CGNL1: variants seen among roughly 807,000 people sequenced by gnomAD.
CGNL1 encodes cingulin-like protein 1.
CGNL1 carries 132 observed loss-of-function variants against 141.2 expected under a neutral mutation model. The ratio of observed to expected loss-of-function variants is 0.93; its 90% CI spans 0.81 to 1.08. The LOEUF (loss-of-function observed/expected upper bound fraction) is 1.08. Among genes scored for constraint, CGNL1 ranks in the 50% least tolerant of loss-of-function variants. The probability of loss-of-function intolerance (pLI) is 0.00; values close to 1 mark genes in which losing one functional copy is unlikely to be tolerated. For missense variants in CGNL1, 1,870 were observed against 1,588.6 expected (o/e 1.18, Z -3.01); for synonymous variants, 690 against 622.1 (o/e 1.11, Z -1.63).
At chr15:57,462,952 T>C (rs1227458119) in intron 8 of CGNL1, among the ~76,000 whole-genome samples, 1 of 152,214 alleles carries the variant, frequency 6.6e-6, no homozygotes, top group African/African-American at 2.4e-5. Context: ...GGGACATGCC[T>C]GTTATTTGCA....
At chr15:57,457,939 A>T (rs1320550401) in intron 7 of CGNL1, among the ~76,000 whole-genome samples, 1 of 152,188 alleles carries the variant, frequency 6.6e-6, no homozygotes, top group East Asian at 1.9e-4. Context: ...TTTTGTGGTC[A>T]GGTCTGTACT....
chr15:57,453,927 C>T, intron 7 of CGNL1, 109 bp downstream of exon 7: 2 of 1,243,352 alleles, frequency 1.6e-6, no homozygotes, highest in Non-Finnish European at 2.3e-6. Flanking sequence ...CACACCTGCT[C>T]CACCTGTGCT....
Position 57,524,588 on chromosome 15 carries a change from A to G in CGNL1, c.2876A>G (p.Asp959Gly). The change falls in exon 12 of 19, where the codon GAC becomes GGC. Residue 959 changes from aspartate to glycine, a missense_variant. Transcript: ENST00000281282. ...TIEKLQKEMA[D>G]IVEASRTSTL... The stretch of plus-strand genomic sequence containing the variant: ...CCGTGTCACTTCTTCTAGATGGCAG[A>G]CATTGTTGAGGCCTCCCGTACCTCA... 6.2e-7 allele frequency: 1 copy of G among 1,612,646 alleles called. No homozygotes were observed. Among genetic ancestry groups the G allele is most frequent in the Non-Finnish European group, 8.5e-7 (1 of 1,179,558 alleles).
chr15:57,524,788 T>C (rs1477520824), intron 12 of CGNL1, 37 bp downstream of exon 12: 1 of 1,598,032 alleles, frequency 6.3e-7, no homozygotes, highest in Admixed American at 1.7e-5. Context: ...CTTTATCCCT[T>C]ATTCAAAGTA....
intron 14 of CGNL1, among the ~76,000 whole-genome samples, chr15:57,537,362 C>T (rs1220387990): frequency 1.3e-5 from 2 of 152,050 alleles, no homozygotes; most frequent in South Asian, 2.1e-4. Flanking sequence ...CCTCAGTCAG[C>T]ATCAGGGGTG....
chr15:57,381,120 T>A (rs2062419671), intron 1 of CGNL1, among the ~76,000 whole-genome samples: 1 of 152,232 alleles, frequency 6.6e-6, no homozygotes, highest in African/African-American at 2.4e-5. Flanking sequence ...ATTTGTTTAT[T>A]GACTGCCTTT....
intron 1 of CGNL1, among the ~76,000 whole-genome samples, chr15:57,384,909 AGT>A: frequency 6.6e-6 from 1 of 152,224 alleles, no homozygotes; most frequent in Non-Finnish European, 1.5e-5. Flanking sequence ...GTAAAGTGAG[AGT>A]GTGTGGGGAG....
chr15:57,439,142 T>G lies in CGNL1; in HGVS notation c.1143T>G (p.Asp381Glu), dbSNP rs1253171509. The G allele has an allele frequency of 6.2e-7, 1 of 1,614,152 alleles. No homozygotes were observed. The change falls in exon 2 of 19, where the codon GAT becomes GAG. Residue 381 changes from aspartate to glutamate, a missense_variant. Coordinates refer to ENST00000281282, the MANE Select transcript of CGNL1 (RefSeq NM_032866.5). Reference protein sequence around the residue: ...RSGKRNRINTDDRKRSRSVDS... With the variant: ...RSGKRNRINTEDRKRSRSVDS... ...GGAAGCGAAACAGAATTAATACAGA[T>G]GACAGGAAAAGATCCAGAAGCGTGG...
chr15:57,523,193 C>A (rs1268782356), intron 10 of CGNL1, among the ~76,000 whole-genome samples: 1 of 152,312 alleles, frequency 6.6e-6, no homozygotes. Flanking sequence ...TTTTCAGACA[C>A]CATCCTGAAT....
intron 8 of CGNL1, among the ~76,000 whole-genome samples, chr15:57,493,534 T>C (rs1449696542): frequency 2.0e-5 from 3 of 152,176 alleles, no homozygotes; most frequent in African/African-American, 7.2e-5. Flanking sequence ...AAACAAGGGA[T>C]TAAAAATCAA....
chr15:57,393,419 T>G (rs920615320), intron 1 of CGNL1, among the ~76,000 whole-genome samples: 1 of 152,222 alleles, frequency 6.6e-6, no homozygotes, highest in Non-Finnish European at 1.5e-5. Context: ...AGTTTGTGTT[T>G]GAACACCATC....
chr15:57,518,598 T>A, intron 10 of CGNL1, 101 bp downstream of exon 10: 1 of 771,660 alleles, frequency 1.3e-6, no homozygotes, highest in Admixed American at 2.2e-5. Context: ...TCTCTTTCCA[T>A]GTAGCTCCCT....
intron 10 of CGNL1, among the ~76,000 whole-genome samples, 161 bp downstream of exon 10, chr15:57,518,658 G>A (rs1045143575): frequency 7.9e-5 from 12 of 152,180 alleles, no homozygotes; most frequent in African/African-American, 2.9e-4. Context: ...CTAGACCAGC[G>A]ATTCTCAACT....
At chr15:57,417,320 A>G (rs1363116712) in intron 1 of CGNL1, among the ~76,000 whole-genome samples, 7 of 151,950 alleles carry the variant, frequency 4.6e-5, no homozygotes, top group Non-Finnish European at 8.8e-5. Flanking sequence ...TGCAGCCTCC[A>G]TCTCCTGGGT....
chr15:57,451,436 G>A, intron 4 of CGNL1, 64 bp from the exon 5 acceptor site: 1 of 1,131,130 alleles, frequency 8.8e-7, no homozygotes, highest in Non-Finnish European at 1.3e-6. Flanking sequence ...ATTTGGAGGG[G>A]GAAGATAATT....
intron 2 of CGNL1, 121 bp from the exon 3 acceptor site, chr15:57,440,256 T>C (rs2063169347): frequency 2.8e-6 from 2 of 710,514 alleles, no homozygotes; most frequent in Non-Finnish European, 4.8e-6. Context: ...TCCCCAAGAT[T>C]ATGAAGCTGG....
chr15:57,383,595 C>CCTTTTCTTTTCTTTTCTTTT lies in CGNL1; in HGVS notation c.-16+7049_-16+7068dup, dbSNP rs71441464. 2.3e-4 allele frequency among the ~76,000 whole-genome samples: 25 copies of CCTTTTCTTTTCTTTTCTTTT among 107,692 alleles called. No individual in the cohort carries two copies. The South Asian group carries it at 2.6e-3, about 11-fold the overall frequency. The allele number at this position is 107,692 out of a possible 152,430, so 70.7% of individuals were successfully genotyped here. A position where few individuals can be genotyped will look rare whatever the true frequency, so the allele number is the denominator to read the frequency against. ...TTACAGGCGTGAGCCACCACATCTGCCTTTTCTTTTCTTTTCTTTTCTTTT... is the reference window on the plus strand; with the variant it reads ...TTACAGGCGTGAGCCACCACATCTGCCTTTTCTTTTCTTTTCTTTTCTTTTCTTTTCTTTTCTTTTCTTTT... On this transcript the variant is annotated intron_variant, in intron 1 of 18. Transcript: ENST00000281282.
intron 7 of CGNL1, among the ~76,000 whole-genome samples, chr15:57,457,100 C>A (rs1033741589): frequency 6.6e-6 from 1 of 152,162 alleles, no homozygotes; most frequent in Admixed American, 6.5e-5. Context: ...TTGTCAGCTA[C>A]CGTTGCTATA....
At position 57,543,760 on chromosome 15, in the gene CGNL1, A is replaced by C. The variant is rs151031750; in HGVS notation, c.3356A>C (p.Lys1119Thr). ...GCGAGACAAGACTTGGAGTGCGACA[A>C]GATTTCCCTGGAGAGGCAGGTGAGG... ...RAARQDLECD[K>T]ISLERQNKDL... The change falls in exon 15 of 19, where the codon AAG (lysine) becomes ACG (threonine). Residue 1119 changes from lysine (K) to threonine (T), a missense_variant. Transcript: ENST00000281282. 3.7e-6 allele frequency: 6 copies of C among 1,614,082 alleles called. No individual in the cohort carries two copies. The highest frequency in any genetic ancestry group is 1.3e-5 in the African/African-American group (1 of 75,040).
Sources: gnomAD v4.1 joint callset for allele counts (sites outside exome capture counted in the v4.1 genomes callset) on GRCh38, gnomAD v4.1.1 for gene constraint, MANE v1.5 for transcripts, NCBI Gene and HGNC (gene_info 2026-07-23, HGNC 2026-07-21) for gene names.